The following IRF5 variants were observed in gnomAD, a reference collection of about 807,000 sequenced individuals.
The protein encoded by IRF5 is interferon regulatory factor 5.
IRF5 carries 24 observed loss-of-function variants against 55.1 expected under a neutral mutation model. The observed-to-expected ratio is 0.44, with a 90% CI of 0.32 to 0.61. IRF5 has a LOEUF of 0.61. Ranked by LOEUF, IRF5 falls within the 20% of genes least tolerant of loss-of-function variation. The pLI is 0.07. For synonymous variants in IRF5, 258 were observed against 260.2 expected (o/e 0.99, Z 0.08); for missense variants, 499 against 658.5 (o/e 0.76, Z 2.65).
Position 128,948,722 on chromosome 7 carries a change from C to A in IRF5, c.1449C>A (p.Ser483=). The A allele has an allele frequency of 1.2e-6, 2 of 1,613,954 alleles. No individual in the cohort carries two copies. Among genetic ancestry groups the A allele is most frequent in the Middle Eastern group, 1.6e-4 (1 of 6,062 alleles). ...QFKELHHIWQ[S]QQRLQPVAQA... ...AGGAGCTCCATCACATCTGGCAGTCCCAGCAGCGGTTGCAGCCTGTGGCCC... is the reference window on the plus strand; with the variant it reads ...AGGAGCTCCATCACATCTGGCAGTCACAGCAGCGGTTGCAGCCTGTGGCCC... The change falls in exon 9 of 9, where the codon TCC becomes TCA. Residue 483 remains serine, a synonymous_variant. Transcript: ENST00000357234. The surrounding 1 kb of genome is among the most constrained non-coding windows in gnomAD (Gnocchi z 4.6).
intron 2 of IRF5, among the ~76,000 whole-genome samples, chr7:128,943,568 T>G (rs1346589602): frequency 2.1e-5 from 3 of 143,410 alleles, no homozygotes; most frequent in African/African-American, 7.8e-5. Flanking sequence ...TGAGATGGAG[T>G]CTTGCTTTTT....
Position 128,946,658 on chromosome 7 carries a change from C to T in IRF5, c.447+96C>T, listed in dbSNP as rs748932768. 1.7e-4 allele frequency: 137 copies of T among 810,578 alleles called. 1 individual carries two copies. Among genetic ancestry groups the T allele is most frequent in the Non-Finnish European group, 2.4e-4 (118 of 485,438 alleles). The allele number at this position is 810,578 out of a possible 1,614,324, so 50.2% of individuals were successfully genotyped here. A position where few individuals can be genotyped will look rare whatever the true frequency, so the allele number is the denominator to read the frequency against. Reference sequence around the variant, plus strand: ...CCGCAGCCCCACTCCCATGGAGCCCCGTGGCCCTCTCAATAGTTCTCCTTG... The same window carrying T: ...CCGCAGCCCCACTCCCATGGAGCCCTGTGGCCCTCTCAATAGTTCTCCTTG... On this transcript the variant is annotated intron_variant, in intron 4 of 8. Transcript: ENST00000357234. The surrounding 1 kb of genome is among the most constrained non-coding windows in gnomAD (Gnocchi z 4.2).
rs1383461490 is a variant in IRF5, at chr7:128,948,244, C to T, written c.1215C>T (p.Thr405=). The change falls in exon 8 of 9, where the codon ACC becomes ACT. Residue 405 remains threonine, a synonymous_variant. Coordinates refer to ENST00000357234, the MANE Select transcript of IRF5 (RefSeq NM_001098629.3). The surrounding 1 kb of genome is among the most constrained non-coding windows in gnomAD (Gnocchi z 4.6). The part of the protein sequence containing the change: ...LILFQKGQTN[T]PPPFEIFFCF... ...TGTTCCAAAAGGGCCAGACCAACAC[C>T]CCACCACCCTTCGAGATCTTCTTCT... 6.2e-7 allele frequency: 1 copy of T among 1,613,546 alleles called. No individual in the cohort carries two copies. Among genetic ancestry groups the T allele is most frequent in the African/African-American group, 1.3e-5 (1 of 74,884 alleles).
chr7:128,939,851 G>A (rs576372438), intron 1 of IRF5, among the ~76,000 whole-genome samples: 1 of 152,204 alleles, frequency 6.6e-6, no homozygotes, highest in Non-Finnish European at 1.5e-5. Flanking sequence ...CTTAGGTCTA[G>A]GGCTCCATAC....
Position 128,948,129 on chromosome 7 carries a change from C to T in IRF5, c.1180+8C>T. 6.2e-7 allele frequency: 1 copy of T among 1,612,978 alleles called. No individual in the cohort carries two copies. Among genetic ancestry groups the T allele is most frequent in the Non-Finnish European group, 8.5e-7 (1 of 1,179,092 alleles). The stretch of plus-strand genomic sequence containing the variant: ...TGGAGCATTTTCTCAATGGTGAGGG[C>T]CCAAAGCTGTGATCCTCCTGGCTGC... On this transcript the variant is annotated splice_region_variant and intron_variant, in intron 7 of 8. Coordinates refer to ENST00000357234, the MANE Select transcript of IRF5 (RefSeq NM_001098629.3). The surrounding 1 kb of genome is among the most constrained non-coding windows in gnomAD (Gnocchi z 4.6).
At chr7:128,938,608 TG>T (rs1310492650) in intron 1 of IRF5, among the ~76,000 whole-genome samples, 2 of 152,174 alleles carry the variant, frequency 1.3e-5, no homozygotes, top group African/African-American at 2.4e-5. Context: ...TGCAAGAGTT[TG>T]GGGGAAGATG....
rs772184409 is a variant in IRF5 at position 128,947,748 on chromosome 7, G to C, written c.807G>C (p.Lys269Asn). ...CCACAGTGACCGACCTGGAGATCAA[G>C]TTTCAGTACCGGGGGCGGCCACCCC... is the stretch of plus-strand genomic sequence containing the variant. ...HMLPLTDLEI[K>N]FQYRGRPPRA... Residue 269 changes from lysine to asparagine, a missense_variant, in exon 7 of 9, where the codon AAG (lysine) becomes AAC (asparagine). Lys to Asn is a moderately conservative substitution (Grantham distance 94). Coordinates refer to ENST00000357234, the MANE Select transcript of IRF5 (RefSeq NM_001098629.3). This position sits in a 1 kb window ranked among gnomAD's most constrained non-coding sequence, Gnocchi z 6.5. The C allele has an allele frequency of 5.5e-5, 88 of 1,609,224 alleles. No homozygotes were observed. The South Asian group carries it at 9.5e-4, about 17-fold the overall frequency.
At position 128,948,913 on chromosome 7, in the gene IRF5, A is replaced by T; in HGVS notation, c.*95A>T. On this transcript the variant is annotated 3_prime_UTR_variant, in exon 9 of 9. Transcript: ENST00000357234. The surrounding 1 kb of genome is among the most constrained non-coding windows in gnomAD (Gnocchi z 4.6). Reference sequence around the variant, plus strand: ...CCCCGATGAGCACCTGGCTGGCTGCAGGGTCCTACCTCTGGGTTTCCTGGA... The same window carrying T: ...CCCCGATGAGCACCTGGCTGGCTGCTGGGTCCTACCTCTGGGTTTCCTGGA... 1.4e-6 allele frequency: 2 copies of T among 1,464,050 alleles called. No homozygotes were observed. The highest frequency in any genetic ancestry group is 1.8e-6 in the Non-Finnish European group (2 of 1,086,930). The allele number at this position is 1,464,050 out of a possible 1,614,324, so 90.7% of individuals were successfully genotyped here.
chr7:128,941,638 A>G (rs1796026174), intron 1 of IRF5, among the ~76,000 whole-genome samples: 1 of 152,062 alleles, frequency 6.6e-6, no homozygotes, highest in South Asian at 2.1e-4. Context: ...GATCCCACAG[A>G]GCGCTCGCTG....
At chr7:128,938,608 T>C (rs1563070070) in intron 1 of IRF5, among the ~76,000 whole-genome samples, 4 of 152,174 alleles carry the variant, frequency 2.6e-5, no homozygotes, top group African/African-American at 9.7e-5. Context: ...TGCAAGAGTT[T>C]GGGGGAAGAT....
chr7:128,948,952 CAAG>C lies in IRF5; in HGVS notation c.*138_*140del, dbSNP rs1239400709. 51 of 1,122,812 alleles carry C rather than the reference CAAG, an allele frequency of 4.5e-5. No individual in the cohort carries two copies. Among genetic ancestry groups the C allele is most frequent in the South Asian group, 1.6e-4 (10 of 63,302 alleles). The allele number at this position is 1,122,812 out of a possible 1,614,324, so 69.6% of individuals were successfully genotyped here. On this transcript the variant is annotated 3_prime_UTR_variant, in exon 9 of 9. Coordinates refer to ENST00000357234, the MANE Select transcript of IRF5 (RefSeq NM_001098629.3). The surrounding 1 kb of genome is among the most constrained non-coding windows in gnomAD (Gnocchi z 4.6). ...GGGTTTCCTGGAAGTGGATTTGGGC[CAAG>C]AAGGAGAGGGAGAAAGGCCCGAGCC...
In IRF5 at chr7:128,949,532, T is replaced by C. The variant is rs1465427161; in HGVS notation, c.*714T>C. 2.6e-5 allele frequency: 4 copies of C among 152,214 alleles called. 1 individual carries two copies. The South Asian group carries it at 6.2e-4, about 24-fold the overall frequency. The allele number at this position is 152,214 out of a possible 1,614,324, so 9.4% of individuals were successfully genotyped here. A position where few individuals can be genotyped will look rare whatever the true frequency, so the allele number is the denominator to read the frequency against. On this transcript the variant is annotated 3_prime_UTR_variant, in exon 9 of 9. Transcript: ENST00000357234. The stretch of plus-strand genomic sequence containing the variant: ...CACTGGGAGGGCCTGGCTTCTGGGC[T>C]GATGGGTCAGTTGGGCCTTCATAAA...
At position 128,946,924 on chromosome 7, in the gene IRF5, T is replaced by C. The variant is rs1277612206; in HGVS notation, c.448-99T>C. 9.6e-6 allele frequency: 14 copies of C among 1,459,730 alleles called. No individual in the cohort carries two copies. Among genetic ancestry groups the C allele is most frequent in the South Asian group, 2.3e-5 (2 of 87,176 alleles). The allele number at this position is 1,459,730 out of a possible 1,614,324, so 90.4% of individuals were successfully genotyped here. On this transcript the variant is annotated intron_variant, in intron 4 of 8. Transcript: ENST00000357234. The surrounding 1 kb of genome is among the most constrained non-coding windows in gnomAD (Gnocchi z 4.2). ...AACTGAGGCTAGGGGAGTTGCCTCATAGTTCTCGCCTGTTATTTCCCCAGC... is the reference window on the plus strand; with the variant it reads ...AACTGAGGCTAGGGGAGTTGCCTCACAGTTCTCGCCTGTTATTTCCCCAGC...
chr7:128,948,960 A>G lies in IRF5; in HGVS notation c.*142A>G, dbSNP rs2128967236. 5.0e-6 allele frequency: 5 copies of G among 1,006,396 alleles called. No individual in the cohort carries two copies. The South Asian group carries it at 6.6e-5, about 13-fold the overall frequency. The allele number at this position is 1,006,396 out of a possible 1,614,324, so 62.3% of individuals were successfully genotyped here. A position where few individuals can be genotyped will look rare whatever the true frequency, so the allele number is the denominator to read the frequency against. The stretch of plus-strand genomic sequence containing the variant: ...TGGAAGTGGATTTGGGCCAAGAAGG[A>G]GAGGGAGAAAGGCCCGAGCCCCTGC... On this transcript the variant is annotated 3_prime_UTR_variant, in exon 9 of 9. Transcript: ENST00000357234. The surrounding 1 kb of genome is among the most constrained non-coding windows in gnomAD (Gnocchi z 4.6).
At chr7:128,939,249 A>AG (rs1220434719) in intron 1 of IRF5, among the ~76,000 whole-genome samples, 1 of 151,852 alleles carries the variant, frequency 6.6e-6, no homozygotes, top group Non-Finnish European at 1.5e-5. Flanking sequence ...GCTGGGGCTG[A>AG]GGGGTTCCAA....
Position 128,948,602 on chromosome 7 carries a change from G to A in IRF5, c.1329G>A (p.Leu443=). Residue 443 remains leucine (L), a synonymous_variant, in exon 9 of 9, where the codon CTG becomes CTA. Coordinates refer to ENST00000357234, the MANE Select transcript of IRF5 (RefSeq NM_001098629.3). This position sits in a 1 kb window ranked among gnomAD's most constrained non-coding sequence, Gnocchi z 4.6. ...QVVPVAARLL[L]EMFSGELSWS... is the part of the protein sequence containing the mutation. ...TGCCTGTAGCAGCTCGACTGCTGCT[G>A]GAGATGTTCTCAGGGGAGCTATCTT... The A allele has an allele frequency of 1.2e-6, 2 of 1,614,118 alleles. No homozygotes were observed. Among genetic ancestry groups the A allele is most frequent in the Admixed American group, 1.7e-5 (1 of 60,032 alleles).
intron 2 of IRF5, among the ~76,000 whole-genome samples, chr7:128,945,152 C>T (rs1047255650): frequency 2.6e-5 from 4 of 152,142 alleles, no homozygotes; most frequent in African/African-American, 4.8e-5. Flanking sequence ...ATCACTCTGT[C>T]GTCCAGGCTG....
chr7:128,949,227 G>C lies in IRF5; in HGVS notation c.*409G>C. On this transcript the variant is annotated 3_prime_UTR_variant, in exon 9 of 9. Transcript: ENST00000357234. ...CATGGCCCTGATTTCCCTGGTTTGA[G>C]ACTCACTTCCTCATCTCCCTGTCCT... 1 of 187,668 alleles carries C rather than the reference G, an allele frequency of 5.3e-6. No individual in the cohort carries two copies. The allele number at this position is 187,668 out of a possible 1,614,324, so 11.6% of individuals were successfully genotyped here. A position where few individuals can be genotyped will look rare whatever the true frequency, so the allele number is the denominator to read the frequency against.
intron 1 of IRF5, among the ~76,000 whole-genome samples, chr7:128,939,055 A>AG (rs1299238174): frequency 2.9e-4 from 1 of 3,398 alleles, no homozygotes; most frequent in Non-Finnish European, 6.1e-4. Context: ...GGCGGAGGGG[A>AG]GGGGGGAGCA....
Sources: gnomAD v4.1 joint callset for allele counts (sites outside exome capture counted in the v4.1 genomes callset) on GRCh38, gnomAD v4.1.1 for gene constraint, Gnocchi (gnomAD v3.1) non-coding constraint, MANE v1.5 for transcripts, NCBI Gene and HGNC (gene_info 2026-07-23, HGNC 2026-07-21) for gene names.